The following UNC5A variants were observed in gnomAD, a reference collection of about 807,000 sequenced individuals.
UNC5A encodes the protein unc-5 netrin receptor A.
In UNC5A, 20 loss-of-function variants were observed where a neutral mutation model predicts 87.4. The observed-to-expected ratio is 0.23, with a 90% confidence interval of 0.16 to 0.33. The LOEUF is 0.33. Among genes scored for constraint, UNC5A ranks in the 10% least tolerant of loss-of-function variants. UNC5A has a pLI of 1.00. For synonymous variants in UNC5A, 438 were observed against 482.3 expected, an observed-to-expected ratio of 0.91 and a Z score of 1.20; for missense variants, 844 against 1,133.4, an observed-to-expected ratio of 0.74 and a Z score of 3.67.
chr5:176,876,043 C>A (rs1421918149), intron 8 of UNC5A, among the ~76,000 whole-genome samples: 2 of 152,256 alleles, frequency 1.3e-5, no homozygotes, highest in Non-Finnish European at 2.9e-5. Context: ...GCTGCCACTT[C>A]CCCCGCATCC....
intron 1 of UNC5A, among the ~76,000 whole-genome samples, chr5:176,842,514 G>C (rs916435203): frequency 7.2e-6 from 1 of 138,328 alleles, no homozygotes; most frequent in Non-Finnish European, 1.5e-5. Context: ...TATATATGAT[G>C]GAATACTACT....
In UNC5A at chr5:176,840,629, G is replaced by A. The variant is rs561454906; in HGVS notation, c.71-21995G>A. 2.0e-4 allele frequency among the ~76,000 whole-genome samples: 30 copies of A among 152,342 alleles called. No individual in the cohort carries two copies. The East Asian group carries it at 5.4e-3, about 27-fold the overall frequency. ...TGTGAGGGCCGGGGACCCTCCCTCT[G>A]CAGATGCACTTCCCAGAGGGAGCAA... is the stretch of plus-strand genomic sequence containing the variant. On this transcript the variant is annotated intron_variant, in intron 1 of 14. Coordinates refer to ENST00000329542, the MANE Select transcript of UNC5A (RefSeq NM_133369.3).
intron 1 of UNC5A, among the ~76,000 whole-genome samples, chr5:176,849,839 G>T (rs1232176898): frequency 4.6e-5 from 7 of 152,186 alleles, no homozygotes; most frequent in African/African-American, 1.7e-4. Flanking sequence ...TACATACCCT[G>T]GGCCAGTTGC....
Position 176,879,441 on chromosome 5 carries a change from G to A in UNC5A, c.2316G>A (p.Arg772=), listed in dbSNP as rs1295640104. The A allele has an allele frequency of 1.9e-6, 3 of 1,612,308 alleles. No individual in the cohort carries two copies. The highest frequency in any genetic ancestry group is 2.5e-6 in the Non-Finnish European group (3 of 1,179,720). Residue 772 remains arginine, a synonymous_variant, in exon 14 of 15, where the codon AGG becomes AGA. Coordinates refer to ENST00000329542, the MANE Select transcript of UNC5A (RefSeq NM_133369.3). ...TTTCCAGCCTGGACCCACCCTGTAG[G>A]CGGGGTGCCGACTGGCGGACTCTGG... is the stretch of plus-strand genomic sequence containing the variant. ...KIISSLDPPC[R]RGADWRTLAQ... is the part of the protein sequence containing the mutation.
At chr5:176,820,163 C>T (rs1399668707) in intron 1 of UNC5A, among the ~76,000 whole-genome samples, 2 of 152,102 alleles carry the variant, frequency 1.3e-5, no homozygotes, top group Non-Finnish European at 2.9e-5. Flanking sequence ...TTTGGGAGGC[C>T]GAGGCGGGTG....
chr5:176,832,244 G>A (rs540262351), intron 1 of UNC5A, among the ~76,000 whole-genome samples: 2 of 152,252 alleles, frequency 1.3e-5, no homozygotes, highest in Admixed American at 6.5e-5. Context: ...AGGAGGTGCC[G>A]TTATTATGCT....
intron 1 of UNC5A, among the ~76,000 whole-genome samples, chr5:176,855,940 G>T (rs1390777392): frequency 1.3e-5 from 2 of 152,162 alleles, no homozygotes; most frequent in Non-Finnish European, 1.5e-5. Context: ...GCCCCTCGCT[G>T]TGTTCCTCAA....
rs1175256585 is a variant in UNC5A at position 176,838,481 on chromosome 5, G to A, written c.71-24143G>A. On this transcript the variant is annotated intron_variant, in intron 1 of 14. Coordinates refer to ENST00000329542, the MANE Select transcript of UNC5A (RefSeq NM_133369.3). The surrounding 1 kb of genome is among the most constrained non-coding windows in gnomAD (Gnocchi z 4.2). The stretch of plus-strand genomic sequence containing the variant: ...TTGGTTGCAGTATGAAAGAAAACTC[G>A]ACTCACACAGACTTAAACACATTTA... 6.6e-6 allele frequency among the ~76,000 whole-genome samples: 1 copy of A among 152,222 alleles called. No individual in the cohort carries two copies. Among genetic ancestry groups the A allele is most frequent in the African/African-American group, 2.4e-5 (1 of 41,472 alleles).
chr5:176,853,779 T>A (rs1291989739), intron 1 of UNC5A, among the ~76,000 whole-genome samples: 3 of 152,160 alleles, frequency 2.0e-5, no homozygotes, highest in Non-Finnish European at 4.4e-5. Context: ...CCTGGGACTC[T>A]GGGCTCAGAC....
intron 13 of UNC5A, among the ~76,000 whole-genome samples, chr5:176,878,907 C>T (rs1313709247): frequency 6.6e-6 from 1 of 152,122 alleles, no homozygotes; most frequent in Non-Finnish European, 1.5e-5. Flanking sequence ...TGAGGAGGGG[C>T]TTTGTACTGG....
intron 1 of UNC5A, among the ~76,000 whole-genome samples, chr5:176,861,987 A>G (rs1233780334): frequency 1.3e-5 from 2 of 152,204 alleles, no homozygotes; most frequent in African/African-American, 2.4e-5. Context: ...ATTAGCAACA[A>G]ATGACTTGTG....
chr5:176,870,593 C>T, intron 6 of UNC5A, 59 bp downstream of exon 6: 5 of 1,514,290 alleles, frequency 3.3e-6, no homozygotes, highest in East Asian at 4.7e-5. Flanking sequence ...TTGCCCAGCC[C>T]TGGGGAGGTG....
chr5:176,878,200 G>A, intron 11 of UNC5A, 44 bp from the exon 12 acceptor site: 2 of 1,603,732 alleles, frequency 1.2e-6, no homozygotes, highest in African/African-American at 1.3e-5. Context: ...CCTGCCTTGG[G>A]CGCAGTGGGG....
chr5:176,876,606 C>G (rs1047485574), intron 8 of UNC5A, among the ~76,000 whole-genome samples: 1 of 152,238 alleles, frequency 6.6e-6, no homozygotes, highest in Admixed American at 6.5e-5. Flanking sequence ...AGCCAGCCGA[C>G]GGGAGGGCAT....
In UNC5A at chr5:176,841,099, T is replaced by C. The variant is rs991709786; in HGVS notation, c.71-21525T>C. 6.6e-6 allele frequency among the ~76,000 whole-genome samples: 1 copy of C among 152,016 alleles called. No homozygotes were observed. The highest frequency in any genetic ancestry group is 2.4e-5 in the African/African-American group (1 of 41,374). On this transcript the variant is annotated intron_variant, in intron 1 of 14. Transcript: ENST00000329542. This position sits in a 1 kb window ranked among gnomAD's most constrained non-coding sequence, Gnocchi z 4.1. The stretch of plus-strand genomic sequence containing the variant: ...TGAAAGCTGTGGCAGGCAACGGGAG[T>C]GTCAGAAACTGTTCTCATCTCTTCA...
chr5:176,858,122 AAGCAGCCTTGTGCTGCACG>A (rs1466178782), intron 1 of UNC5A, among the ~76,000 whole-genome samples: 2 of 152,252 alleles, frequency 1.3e-5, no homozygotes, highest in Non-Finnish European at 2.9e-5. Flanking sequence ...TGCCCGCATT[AAGCAGCCTTGTGCTGCACG>A]GCATGGACCG....
chr5:176,830,502 T>C (rs918456835), intron 1 of UNC5A, among the ~76,000 whole-genome samples: 3 of 136,664 alleles, frequency 2.2e-5, no homozygotes, highest in African/African-American at 8.5e-5. Flanking sequence ...ATGTGTGTGC[T>C]GCTGTGTGCT....
chr5:176,826,830 G>A (rs917358139), intron 1 of UNC5A, among the ~76,000 whole-genome samples: 7 of 151,794 alleles, frequency 4.6e-5, no homozygotes, highest in African/African-American at 7.3e-5. Context: ...TGGTAGAGAC[G>A]GGATTTCACT....
intron 1 of UNC5A, among the ~76,000 whole-genome samples, chr5:176,828,472 G>A (rs927526456): frequency 1.3e-5 from 2 of 152,070 alleles, no homozygotes; most frequent in Non-Finnish European, 2.9e-5. Context: ...GGAATCAGGG[G>A]ACCCAAGAGT....
Sources: allele counts gnomAD v4.1 joint callset (sites outside exome capture counted in the v4.1 genomes callset), GRCh38; gene constraint gnomAD v4.1.1; non-coding constraint Gnocchi (gnomAD v3.1); transcripts MANE v1.5; gene names NCBI Gene and HGNC (gene_info 2026-07-23, HGNC 2026-07-21).